The following SLC25A21 variants were observed in gnomAD, a reference collection of about 807,000 sequenced individuals.
The protein encoded by SLC25A21 is mitochondrial 2-oxodicarboxylate carrier.
In SLC25A21, 47 loss-of-function variants were observed where a neutral mutation model predicts 43.8. The observed-to-expected ratio is 1.07, with a 90% confidence interval of 0.85 to 1.37. The LOEUF is 1.37. SLC25A21 is among the 40% of genes most tolerant of loss of function. The pLI, the probability that SLC25A21 is intolerant of heterozygous loss-of-function variation, is 0.00. For synonymous variants in SLC25A21, 131 were observed against 121.3 expected, an observed-to-expected ratio of 1.08 and a Z score of -0.52; for missense variants, 352 against 350.2, an observed-to-expected ratio of 1.00 and a Z score of -0.04.
intron 3 of SLC25A21, among the ~76,000 whole-genome samples, chr14:36,781,176 A>G (rs1887046202): frequency 6.6e-6 from 1 of 152,072 alleles, no homozygotes; most frequent in Non-Finnish European, 1.5e-5. Flanking sequence ...GCGTGTTATA[A>G]CTTTTCCATC....
Position 36,734,581 on chromosome 14 carries a change from AG to A in SLC25A21, c.204-9del. On this transcript the variant is annotated splice_polypyrimidine_tract_variant and intron_variant, in intron 3 of 9. Coordinates refer to ENST00000331299, the MANE Select transcript of SLC25A21 (RefSeq NM_030631.4). ...TTGTAAAAACCAAATAACCTGTTGG[AG>A]AAATAAAAGATTTCCTATGAGTAAG... The A allele has an allele frequency of 6.3e-7, 1 of 1,593,866 alleles. No homozygotes were observed. The highest frequency in any genetic ancestry group is 2.3e-5 in the East Asian group (1 of 44,400).
intron 1 of SLC25A21, among the ~76,000 whole-genome samples, chr14:37,077,451 G>A (rs1011722059): frequency 4.6e-5 from 7 of 151,732 alleles, no homozygotes; most frequent in East Asian, 1.9e-4. Context: ...TTATACACGC[G>A]GACACAACCT....
rs187803634 is a variant in SLC25A21 at position 36,956,739 on chromosome 14, T to C, written c.71-81735A>G. On this transcript the variant is annotated intron_variant, in intron 1 of 9. Coordinates refer to ENST00000331299, the MANE Select transcript of SLC25A21 (RefSeq NM_030631.4). ...AACTTACGAATAATGGGGATATCCA[T>C]CAAAGCTGAAGGAAAAAAAACAGAA... Among the ~76,000 whole-genome samples the C allele has an allele frequency of 1.6e-3, 236 of 152,252 alleles. 1 individual carries two copies. Among genetic ancestry groups the C allele is most frequent in the Non-Finnish European group, 2.8e-3 (192 of 68,020 alleles).
intron 1 of SLC25A21, among the ~76,000 whole-genome samples, chr14:37,066,858 T>G (rs1054510453): frequency 1.3e-5 from 2 of 152,164 alleles, no homozygotes; most frequent in African/African-American, 4.8e-5. Context: ...CTTTGTACTG[T>G]TTTACTTTTT....
intron 1 of SLC25A21, among the ~76,000 whole-genome samples, chr14:37,044,286 T>A (rs1452564475): frequency 6.6e-6 from 1 of 152,198 alleles, no homozygotes; most frequent in Non-Finnish European, 1.5e-5. Flanking sequence ...TTTCCTTTTT[T>A]AATAGCCTTA....
intron 1 of SLC25A21, among the ~76,000 whole-genome samples, chr14:36,891,628 T>A (rs982636553): frequency 6.6e-6 from 1 of 152,066 alleles, no homozygotes; most frequent in Non-Finnish European, 1.5e-5. Context: ...ACCAGCAAAA[T>A]CTATTCCCTC....
chr14:37,040,383 G>GAA, intron 1 of SLC25A21, among the ~76,000 whole-genome samples: 1 of 62,260 alleles, frequency 1.6e-5, no homozygotes, highest in Non-Finnish European at 2.8e-5. Flanking sequence ...GAGAAAGAAA[G>GAA]AAAGAAAGAA....
At chr14:37,157,389 T>C (rs1379692932) in intron 1 of SLC25A21, among the ~76,000 whole-genome samples, 2 of 152,018 alleles carry the variant, frequency 1.3e-5, no homozygotes, top group Non-Finnish European at 2.9e-5. Context: ...TCATATCAAG[T>C]ATCTTCTCAG....
chr14:36,743,507 A>C (rs2139244908), intron 3 of SLC25A21, among the ~76,000 whole-genome samples: 1 of 152,228 alleles, frequency 6.6e-6, no homozygotes, highest in Non-Finnish European at 1.5e-5. Flanking sequence ...GGAGCAAAAA[A>C]AGTCCTTCAC....
intron 3 of SLC25A21, among the ~76,000 whole-genome samples, chr14:36,810,102 A>G (rs1888184180): frequency 6.6e-6 from 1 of 152,166 alleles, no homozygotes; most frequent in Non-Finnish European, 1.5e-5. Flanking sequence ...TGTATTTTAA[A>G]AAATATTTCC....
chr14:36,754,814 C>T (rs1357267411), intron 3 of SLC25A21, among the ~76,000 whole-genome samples: 1 of 152,096 alleles, frequency 6.6e-6, no homozygotes, highest in Admixed American at 6.6e-5. Flanking sequence ...TCTACTTGTA[C>T]TTTGTCTTCC....
chr14:36,694,579 CCTGA>C (rs1882936637), intron 7 of SLC25A21, among the ~76,000 whole-genome samples: 1 of 152,180 alleles, frequency 6.6e-6, no homozygotes, highest in Admixed American at 6.5e-5. Context: ...TCTCTTGTTT[CCTGA>C]CTTTTTAATG....
chr14:36,972,119 A>G (rs918570074), intron 1 of SLC25A21, among the ~76,000 whole-genome samples: 2 of 152,338 alleles, frequency 1.3e-5, no homozygotes, highest in East Asian at 1.9e-4. Flanking sequence ...GGATACACAC[A>G]TACATACCAT....
chr14:36,962,404 T>C (rs78907344), intron 1 of SLC25A21, among the ~76,000 whole-genome samples: 2,170 of 152,302 alleles, frequency 0.014, 23 homozygotes, highest in Middle Eastern at 0.041. Context: ...TGTTGTACAT[T>C]TGATCTCTAG....
intron 7 of SLC25A21, among the ~76,000 whole-genome samples, chr14:36,699,542 G>A (rs1180707863): frequency 1.3e-5 from 2 of 152,216 alleles, no homozygotes. Context: ...ATTCAGCTAT[G>A]CCTTACCCAC....
intron 1 of SLC25A21, among the ~76,000 whole-genome samples, chr14:36,942,306 A>G (rs1348439003): frequency 6.6e-6 from 1 of 152,200 alleles, no homozygotes; most frequent in Non-Finnish European, 1.5e-5. Context: ...TAAATACACA[A>G]AAATATGCCA....
intron 2 of SLC25A21, among the ~76,000 whole-genome samples, chr14:36,821,463 G>A (rs1888631860): frequency 6.6e-6 from 1 of 152,078 alleles, no homozygotes; most frequent in African/African-American, 2.4e-5. Flanking sequence ...AATGTGAATG[G>A]TAGTTTTTAA....
At chr14:36,927,756 T>C (rs370021110) in intron 1 of SLC25A21, among the ~76,000 whole-genome samples, 1 of 152,134 alleles carries the variant, frequency 6.6e-6, no homozygotes, top group Admixed American at 6.5e-5. Context: ...AATTCAAGCA[T>C]GGAAATCGCA....
At chr14:36,955,105 A>T (rs1272199843) in intron 1 of SLC25A21, among the ~76,000 whole-genome samples, 1 of 152,166 alleles carries the variant, frequency 6.6e-6, no homozygotes, top group Non-Finnish European at 1.5e-5. Flanking sequence ...CTTCCTCAAA[A>T]CCTGGCCTAG....
Sources: gnomAD v4.1 joint callset for allele counts (sites outside exome capture counted in the v4.1 genomes callset) on GRCh38, gnomAD v4.1.1 for gene constraint, MANE v1.5 for transcripts, NCBI Gene and HGNC (gene_info 2026-07-23, HGNC 2026-07-21) for gene names.